Variants in FRMD4A observed in about 807,000 individuals in gnomAD.
FRMD4A encodes FERM domain-containing protein 4A.
In FRMD4A, 29 loss-of-function variants were observed where a neutral mutation model predicts 129.1. The ratio of observed to expected loss-of-function variants is 0.22; its 90% confidence interval spans 0.17 to 0.31. The LOEUF (loss-of-function observed/expected upper bound fraction) is 0.31. Ranked by LOEUF, FRMD4A falls within the 10% of genes least tolerant of loss-of-function variation. The pLI is 1.00. For missense variants in FRMD4A, 1,272 were observed against 1,375.8 expected, an observed-to-expected ratio of 0.92 and a Z score of 1.19; for synonymous variants, 634 against 571.6, an observed-to-expected ratio of 1.11 and a Z score of -1.56.
chr10:14,079,317 C>G (rs750166545), intron 2 of FRMD4A, among the ~76,000 whole-genome samples: 1 of 152,174 alleles, frequency 6.6e-6, no homozygotes, highest in Non-Finnish European at 1.5e-5. Flanking sequence ...ACCCTCTCCT[C>G]CTGTCTGCTG....
chr10:13,865,395 ATTTAT>A (rs1352445228), intron 2 of FRMD4A, among the ~76,000 whole-genome samples: 1 of 128,882 alleles, frequency 7.8e-6, no homozygotes, highest in Non-Finnish European at 1.8e-5. Context: ...ACTTTATTTT[ATTTAT>A]TTTATTTGTT....
At chr10:14,210,955 C>G (rs1439005307) in intron 2 of FRMD4A, among the ~76,000 whole-genome samples, 1 of 152,140 alleles carries the variant, frequency 6.6e-6, no homozygotes, top group Non-Finnish European at 1.5e-5. Context: ...TCTCGAAATC[C>G]TGACCTTCTG....
chr10:13,716,398 A>C (rs1462560973), intron 12 of FRMD4A, among the ~76,000 whole-genome samples: 2 of 152,216 alleles, frequency 1.3e-5, no homozygotes, highest in Admixed American at 1.3e-4. Context: ...TACCCAAACA[A>C]TGACGGCAGA....
At chr10:13,672,876 T>A (rs1436347527) in intron 16 of FRMD4A, among the ~76,000 whole-genome samples, 1 of 152,240 alleles carries the variant, frequency 6.6e-6, no homozygotes, top group African/African-American at 2.4e-5. Context: ...CTATAGGGAA[T>A]GATCACAGGA....
At chr10:13,802,226 T>C (rs1391176374) in intron 4 of FRMD4A, among the ~76,000 whole-genome samples, 1 of 152,192 alleles carries the variant, frequency 6.6e-6, no homozygotes, top group Non-Finnish European at 1.5e-5. Flanking sequence ...ATAAAACAAA[T>C]AGATTTTTGG....
chr10:13,991,231 T>G (rs1169633523), intron 2 of FRMD4A, among the ~76,000 whole-genome samples: 2 of 152,064 alleles, frequency 1.3e-5, no homozygotes. Context: ...AAAAGAAGCG[T>G]AGAGTGAAAA....
chr10:14,269,211 T>C (rs1845078106), intron 2 of FRMD4A, among the ~76,000 whole-genome samples: 1 of 152,176 alleles, frequency 6.6e-6, no homozygotes, highest in African/African-American at 2.4e-5. Flanking sequence ...CAGCACAAAA[T>C]ATGCTCAAAA....
intron 2 of FRMD4A, among the ~76,000 whole-genome samples, chr10:14,194,166 A>G (rs958157264): frequency 4.6e-5 from 7 of 152,180 alleles, no homozygotes; most frequent in Non-Finnish European, 1.0e-4. Context: ...TATAACCACA[A>G]AAGTAAAAGC....
intron 2 of FRMD4A, among the ~76,000 whole-genome samples, chr10:13,922,002 G>A (rs755866271): frequency 6.6e-5 from 10 of 151,924 alleles, no homozygotes; most frequent in Admixed American, 6.6e-4. Flanking sequence ...TAAGGGTGGA[G>A]CCTGCATGTT....
intron 2 of FRMD4A, among the ~76,000 whole-genome samples, chr10:14,317,174 A>G (rs901512347): frequency 3.9e-5 from 6 of 152,188 alleles, no homozygotes; most frequent in African/African-American, 9.6e-5. Flanking sequence ...ATTGATGACT[A>G]TTTGTAGACT....
At chr10:13,827,161 G>C (rs10906501) in intron 3 of FRMD4A, among the ~76,000 whole-genome samples, 17,732 of 152,178 alleles carry the variant, frequency 0.12, 1,200 homozygotes, top group South Asian at 0.26. Flanking sequence ...TCTGTGGAGG[G>C]AGATCTCGCG....
At position 13,802,362 on chromosome 10, in the gene FRMD4A, A is replaced by G. The variant is rs569189388; in HGVS notation, c.207-5774T>C. Among the ~76,000 whole-genome samples the G allele has an allele frequency of 1.2e-3, 176 of 152,328 alleles. 2 individuals are homozygous for G. The South Asian group carries it at 0.035, about 31-fold the overall frequency. On this transcript the variant is annotated intron_variant, in intron 4 of 24. Transcript: ENST00000357447. Reference sequence around the variant, plus strand: ...TTTCCAGACCCAGGGGGAGAATGACACTGCACAGCTTCTAGATGTTTTTAT... The same window carrying G: ...TTTCCAGACCCAGGGGGAGAATGACGCTGCACAGCTTCTAGATGTTTTTAT...
At chr10:14,175,130 A>G (rs1252894418) in intron 2 of FRMD4A, among the ~76,000 whole-genome samples, 1 of 152,162 alleles carries the variant, frequency 6.6e-6, no homozygotes, top group Non-Finnish European at 1.5e-5. Flanking sequence ...CAACATCTCT[A>G]CTTCAACTGG....
intron 2 of FRMD4A, among the ~76,000 whole-genome samples, chr10:14,295,148 T>G (rs944787523): frequency 1.3e-5 from 2 of 152,134 alleles, no homozygotes; most frequent in Non-Finnish European, 2.9e-5. Context: ...AACATCAACA[T>G]GCTTGGAGGG....
chr10:14,105,715 G>T (rs957332757), intron 2 of FRMD4A, among the ~76,000 whole-genome samples: 1 of 152,246 alleles, frequency 6.6e-6, no homozygotes, highest in East Asian at 1.9e-4. Flanking sequence ...GTGATTGACT[G>T]GTATGTCTCG....
chr10:14,122,352 T>G (rs533572935), intron 2 of FRMD4A, among the ~76,000 whole-genome samples: 1 of 152,236 alleles, frequency 6.6e-6, no homozygotes, highest in Non-Finnish European at 1.5e-5. Context: ...AAAACGTTTT[T>G]AATTGACAAA....
chr10:14,174,848 T>A (rs569386745), intron 2 of FRMD4A, among the ~76,000 whole-genome samples: 1 of 150,638 alleles, frequency 6.6e-6, no homozygotes, highest in Non-Finnish European at 1.5e-5. Flanking sequence ...TCCTGAATAG[T>A]TGAGTATTAA....
chr10:13,714,027 C>CATATATATAAAATATATATTTTATATAT (rs1554858885), intron 12 of FRMD4A, among the ~76,000 whole-genome samples: 1,856 of 31,104 alleles, frequency 0.06, 526 homozygotes, highest in East Asian at 0.11. Context: ...ATAAAATATA[C>CATATATATAAAATATATATTTTATATAT]ATATATATAT....
chr10:13,682,883 G>T (rs2084737212), intron 15 of FRMD4A, among the ~76,000 whole-genome samples: 1 of 152,140 alleles, frequency 6.6e-6, no homozygotes, highest in African/African-American at 2.4e-5. Flanking sequence ...TCTGTCTTCT[G>T]CCTCTTGCAT....
Sources: gnomAD v4.1 joint callset for allele counts (sites outside exome capture counted in the v4.1 genomes callset) on GRCh38, gnomAD v4.1.1 for gene constraint, MANE v1.5 for transcripts, NCBI Gene and HGNC (gene_info 2026-07-23, HGNC 2026-07-21) for gene names.